Variants in ACYP2 observed in about 807,000 individuals in gnomAD.
The protein encoded by ACYP2 is acylphosphatase 2.
A neutral mutation model predicts 11.2 loss-of-function variants in ACYP2; 12 were observed. The observed-to-expected ratio is 1.08, with a 90% CI of 0.69 to 1.74. The LOEUF (loss-of-function observed/expected upper bound fraction) is 1.74, where lower values mean the gene tolerates loss of function less well. Ranked by LOEUF, ACYP2 falls within the 40% of genes most tolerant of loss-of-function variation. The pLI, the probability that ACYP2 is intolerant of heterozygous loss-of-function variation, is 0.00. For missense variants in ACYP2, 134 were observed against 101.9 expected (o/e 1.31, Z -1.35); for synonymous variants, 43 against 32.2 (o/e 1.33, Z -1.13).
intron 6 of ACYP2, among the ~76,000 whole-genome samples, chr2:54,292,579 T>G (rs1199510021): frequency 6.6e-6 from 1 of 152,140 alleles, no homozygotes; most frequent in Non-Finnish European, 1.5e-5. Flanking sequence ...TATGGTTCTG[T>G]CAGACAGTGC....
chr2:54,218,710 A>C (rs1362971369), intron 6 of ACYP2, among the ~76,000 whole-genome samples: 1 of 140,372 alleles, frequency 7.1e-6, no homozygotes, highest in African/African-American at 2.6e-5. Context: ...CTAGGTTCTC[A>C]TCAGTGTCCC....
rs1021501775 is a variant in ACYP2, at chr2:54,092,201, G to T, written c.277+34841G>T. Among the ~76,000 whole-genome samples the T allele has an allele frequency of 2.6e-5, 4 of 152,140 alleles. 1 individual carries two copies. The East Asian group carries it at 7.7e-4, about 29-fold the overall frequency. On this transcript the variant is annotated intron_variant, in intron 4 of 6. Coordinates refer to ENST00000607452, the MANE Select transcript of ACYP2 (RefSeq NM_001320586.2). ...GAAGATGTTGAATTTGCAGTGCTGG[G>T]GAACAATGGAATAGAGCTGTCTTAT...
chr2:54,000,387 C>T (rs1672745428), intron 2 of ACYP2, among the ~76,000 whole-genome samples: 1 of 152,130 alleles, frequency 6.6e-6, no homozygotes, highest in South Asian at 2.1e-4. Flanking sequence ...GTTGATCTGA[C>T]ATAAGGTTTC....
intron 4 of ACYP2, among the ~76,000 whole-genome samples, chr2:54,096,651 C>G (rs1024539676): frequency 1.3e-5 from 2 of 152,128 alleles, no homozygotes; most frequent in Non-Finnish European, 2.9e-5. Context: ...GCCAACACAG[C>G]GAAACCCCGT....
intron 4 of ACYP2, among the ~76,000 whole-genome samples, chr2:54,098,506 T>A (rs912854888): frequency 6.6e-6 from 1 of 152,222 alleles, no homozygotes; most frequent in Non-Finnish European, 1.5e-5. Flanking sequence ...TGCTTTCTCA[T>A]AGTGTCCTTT....
intron 6 of ACYP2, among the ~76,000 whole-genome samples, chr2:54,258,098 C>T (rs1687634209): frequency 6.6e-6 from 1 of 152,174 alleles, no homozygotes. Context: ...CCAAAGATTT[C>T]TTCCCTCTTG....
At chr2:54,034,846 TAAAAATAC>T (rs920144827) in intron 2 of ACYP2, among the ~76,000 whole-genome samples, 1 of 151,640 alleles carries the variant, frequency 6.6e-6, no homozygotes, top group Non-Finnish European at 1.5e-5. Context: ...CCGTCTCTAC[TAAAAATAC>T]AAAAAATTAG....
intron 6 of ACYP2, among the ~76,000 whole-genome samples, chr2:54,181,951 T>G (rs2103870158): frequency 6.6e-6 from 1 of 151,556 alleles, no homozygotes; most frequent in South Asian, 2.1e-4. Flanking sequence ...TGATGGACCC[T>G]CTCTTACAAA....
intron 2 of ACYP2, among the ~76,000 whole-genome samples, chr2:54,043,072 G>GGT (rs58940352): frequency 0.1 from 14,894 of 148,880 alleles, 1,004 homozygotes; most frequent in East Asian, 0.26. Flanking sequence ...GTGTGTGTGG[G>GGT]GTGTGTGTGT....
chr2:54,182,843 C>A (rs1306170255), intron 6 of ACYP2, among the ~76,000 whole-genome samples: 2 of 152,094 alleles, frequency 1.3e-5, no homozygotes, highest in East Asian at 3.8e-4. Context: ...CATCTTGGGG[C>A]AGATCCAGGT....
chr2:54,175,606 T>G (rs1683426499), intron 6 of ACYP2, among the ~76,000 whole-genome samples: 1 of 152,174 alleles, frequency 6.6e-6, no homozygotes, highest in Non-Finnish European at 1.5e-5. Context: ...CTTCTCTAGT[T>G]CTTTTAATTG....
intron 3 of ACYP2, among the ~76,000 whole-genome samples, chr2:54,055,467 A>G (rs1051540692): frequency 1.3e-5 from 2 of 152,234 alleles, no homozygotes; most frequent in Non-Finnish European, 2.9e-5. Context: ...ATAGCATTCT[A>G]TTATTCACAA....
intron 6 of ACYP2, among the ~76,000 whole-genome samples, chr2:54,291,239 C>T (rs1047904168): frequency 2.0e-5 from 3 of 152,188 alleles, no homozygotes; most frequent in Non-Finnish European, 2.9e-5. Context: ...CTATCATCTC[C>T]CTCTTCTCTG....
chr2:54,075,997 AG>A (rs1306734636), intron 4 of ACYP2, among the ~76,000 whole-genome samples: 1 of 152,148 alleles, frequency 6.6e-6, no homozygotes, highest in Non-Finnish European at 1.5e-5. Context: ...CATTATAAAA[AG>A]TGTTTTGATT....
intron 6 of ACYP2, among the ~76,000 whole-genome samples, chr2:54,224,310 C>G (rs989114494): frequency 9.2e-5 from 14 of 152,154 alleles, no homozygotes; most frequent in African/African-American, 2.9e-4. Flanking sequence ...ATGTGCTAAA[C>G]ATTGAAGGGT....
chr2:54,091,021 A>G lies in ACYP2; in HGVS notation c.277+33661A>G, dbSNP rs138204820. 1.4e-3 allele frequency among the ~76,000 whole-genome samples: 216 copies of G among 152,346 alleles called. 2 individuals are homozygous for G. The highest frequency in any genetic ancestry group is 4.6e-3 in the African/African-American group (192 of 41,570). On this transcript the variant is annotated intron_variant, in intron 4 of 6. Transcript: ENST00000607452. ...GCTGACATAATTGTTGATTGATTTA[A>G]AATACATTTTTCTATTTTTAAAATA...
intron 4 of ACYP2, among the ~76,000 whole-genome samples, chr2:54,094,454 C>A (rs1317131877): frequency 6.6e-6 from 1 of 151,978 alleles, no homozygotes; most frequent in Non-Finnish European, 1.5e-5. Context: ...GTCTCGAACT[C>A]CTGACCTCAG....
intron 6 of ACYP2, among the ~76,000 whole-genome samples, chr2:54,192,574 A>C (rs1684281328): frequency 6.6e-6 from 1 of 152,174 alleles, no homozygotes; most frequent in South Asian, 2.1e-4. Context: ...TTAGTCAAAA[A>C]ACTTTGATGC....
intron 6 of ACYP2, among the ~76,000 whole-genome samples, chr2:54,292,532 A>T (rs1004804519): frequency 1.3e-5 from 2 of 152,132 alleles, no homozygotes; most frequent in Admixed American, 1.3e-4. Flanking sequence ...TTAAAATGTG[A>T]CTCTTAGAAA....
Sources: gnomAD v4.1 joint callset for allele counts (sites outside exome capture counted in the v4.1 genomes callset) on GRCh38, gnomAD v4.1.1 for gene constraint, MANE v1.5 for transcripts, NCBI Gene and HGNC (gene_info 2026-07-23, HGNC 2026-07-21) for gene names.